CA10: variants seen among roughly 807,000 people sequenced by gnomAD.
CA10 encodes the protein carbonic anhydrase 10 (inactive).
Under a neutral mutation model 44.2 loss-of-function variants are expected in CA10, and 14 were observed. That is an observed-to-expected ratio of 0.32 (90% confidence interval 0.21 to 0.50). CA10 has a LOEUF of 0.50. Ranked by LOEUF, CA10 falls within the 20% of genes least tolerant of loss-of-function variation. CA10 has a pLI of 0.99. For synonymous variants in CA10, 159 were observed against 141.6 expected (o/e 1.12, Z -0.87); for missense variants, 350 against 409.7 (o/e 0.85, Z 1.26).
At chr17:51,832,097 G>C (rs1415130659) in intron 3 of CA10, among the ~76,000 whole-genome samples, 1 of 152,152 alleles carries the variant, frequency 6.6e-6, no homozygotes, top group Admixed American at 6.5e-5. Context: ...TTGTCAGAGA[G>C]ACCTGGGTTT....
chr17:51,991,070 C>T (rs1046511752), intron 2 of CA10, among the ~76,000 whole-genome samples: 7 of 152,100 alleles, frequency 4.6e-5, no homozygotes, highest in South Asian at 2.1e-4. Flanking sequence ...ACTGTGTCAA[C>T]GTGAACTAGA....
intron 3 of CA10, among the ~76,000 whole-genome samples, chr17:51,904,315 T>G (rs1404185413): frequency 6.6e-6 from 1 of 152,122 alleles, no homozygotes; most frequent in Non-Finnish European, 1.5e-5. Flanking sequence ...CTTACAGGAA[T>G]ATCAGAGATC....
rs1989867756 is a variant in CA10 at position 52,158,498 on chromosome 17, C to T, written c.-712G>A. 6.5e-6 allele frequency: 1 copy of T among 154,896 alleles called. No homozygotes were observed. Among genetic ancestry groups the T allele is most frequent in the Non-Finnish European group, 1.4e-5 (1 of 70,194 alleles). The allele number at this position is 154,896 out of a possible 1,614,324, so 9.6% of individuals were successfully genotyped here. On this transcript the variant is annotated 5_prime_UTR_variant, in exon 1 of 9. Transcript: ENST00000451037. ...CCTCCCTGCTCCCCAGGTCCGCGCG[C>T]AGCCTGCAGCCTCTCAGCCGGGTTC... is the stretch of plus-strand genomic sequence containing the variant.
intron 4 of CA10, among the ~76,000 whole-genome samples, chr17:51,680,251 T>C (rs1261310371): frequency 6.6e-6 from 1 of 152,058 alleles, no homozygotes; most frequent in African/African-American, 2.4e-5. Flanking sequence ...TGGCAGCCGT[T>C]GGGGAGGAAG....
At position 52,030,006 on chromosome 17, in the gene CA10, A is replaced by G. The variant is rs139903469; in HGVS notation, c.136+42313T>C. On this transcript the variant is annotated intron_variant, in intron 2 of 8. Transcript: ENST00000451037. ...GGGCATCTGTTCATTTCTGTAGAGC[A>G]CATACTGCTTTGCTGCAGAGTGCAG... is the stretch of plus-strand genomic sequence containing the variant. 1.2e-3 allele frequency among the ~76,000 whole-genome samples: 187 copies of G among 152,330 alleles called. 5 individuals are homozygous for G. The South Asian group carries it at 0.023, about 19-fold the overall frequency.
At chr17:51,990,230 C>T (rs1004610005) in intron 2 of CA10, among the ~76,000 whole-genome samples, 1 of 152,082 alleles carries the variant, frequency 6.6e-6, no homozygotes. Context: ...ACTGCCCTTC[C>T]AGGTCCAATT....
At chr17:51,640,308 G>C (rs1238716540) in intron 6 of CA10, among the ~76,000 whole-genome samples, 1 of 152,108 alleles carries the variant, frequency 6.6e-6, no homozygotes, top group African/African-American at 2.4e-5. Flanking sequence ...ATCAGATGAG[G>C]GGAAGCATCT....
intron 4 of CA10, among the ~76,000 whole-genome samples, chr17:51,709,669 A>G (rs991264510): frequency 1.3e-5 from 2 of 152,240 alleles, no homozygotes; most frequent in East Asian, 3.9e-4. Flanking sequence ...GCATATGCAA[A>G]TGTCCTCAGG....
chr17:51,709,141 A>G (rs931480350), intron 4 of CA10, among the ~76,000 whole-genome samples: 2 of 152,234 alleles, frequency 1.3e-5, no homozygotes, highest in South Asian at 2.1e-4. Context: ...TCATTCATAT[A>G]TCCATCTATT....
At chr17:51,972,820 A>T (rs1403900990) in intron 2 of CA10, among the ~76,000 whole-genome samples, 1 of 152,184 alleles carries the variant, frequency 6.6e-6, no homozygotes, top group Non-Finnish European at 1.5e-5. Flanking sequence ...AGTAAGCAGT[A>T]CTAAAAGAAT....
chr17:51,666,271 G>T (rs1333462658), intron 4 of CA10, among the ~76,000 whole-genome samples: 8 of 152,210 alleles, frequency 5.3e-5, no homozygotes, highest in Non-Finnish European at 1.2e-4. Context: ...AGAGGCTGGA[G>T]CCCAGAAGGG....
At chr17:51,834,352 C>T (rs1467271656) in intron 3 of CA10, among the ~76,000 whole-genome samples, 2 of 152,144 alleles carry the variant, frequency 1.3e-5, no homozygotes, top group Non-Finnish European at 2.9e-5. Context: ...TTTGGGATTT[C>T]ATGGGAAAAC....
chr17:52,095,617 T>C (rs764107794), intron 1 of CA10, among the ~76,000 whole-genome samples: 3 of 152,182 alleles, frequency 2.0e-5, no homozygotes, highest in Non-Finnish European at 4.4e-5. Context: ...AAAACATTTG[T>C]CTCTCCTGAC....
intron 3 of CA10, among the ~76,000 whole-genome samples, chr17:51,779,576 G>A (rs988624291): frequency 6.6e-6 from 1 of 152,192 alleles, no homozygotes; most frequent in African/African-American, 2.4e-5. Context: ...TTGTTTGGGT[G>A]ACAAATGGAC....
At chr17:51,891,434 AGAGG>A (rs1652107514) in intron 3 of CA10, among the ~76,000 whole-genome samples, 1 of 152,230 alleles carries the variant, frequency 6.6e-6, no homozygotes, top group South Asian at 2.1e-4. Flanking sequence ...GCCTTGAAAC[AGAGG>A]TGGTAATAGT....
chr17:52,017,924 C>T (rs1986020003), intron 2 of CA10, among the ~76,000 whole-genome samples: 2 of 152,138 alleles, frequency 1.3e-5, no homozygotes, highest in Admixed American at 1.3e-4. Context: ...GCATTGCTCC[C>T]CACTTCCTGG....
intron 3 of CA10, among the ~76,000 whole-genome samples, chr17:51,846,165 C>G (rs925757551): frequency 1.6e-4 from 24 of 152,354 alleles, no homozygotes; most frequent in African/African-American, 5.8e-4. Context: ...CCTGATTTTA[C>G]CCAAACTTAT....
chr17:51,899,203 T>C (rs1981205272), intron 3 of CA10, among the ~76,000 whole-genome samples: 1 of 152,130 alleles, frequency 6.6e-6, no homozygotes, highest in Non-Finnish European at 1.5e-5. Flanking sequence ...TTTTCTTAAG[T>C]TGGAACTGCT....
At chr17:52,110,275 G>A (rs984798902) in intron 1 of CA10, among the ~76,000 whole-genome samples, 2 of 152,154 alleles carry the variant, frequency 1.3e-5, no homozygotes, top group African/African-American at 4.8e-5. Flanking sequence ...CTGTGGGTAG[G>A]GAGCAGGTAT....
Sources: allele counts gnomAD v4.1 joint callset (sites outside exome capture counted in the v4.1 genomes callset), GRCh38; gene constraint gnomAD v4.1.1; transcripts MANE v1.5; gene names NCBI Gene and HGNC (gene_info 2026-07-23, HGNC 2026-07-21).